The following PDGFRA variants were observed in gnomAD, a reference collection of about 807,000 sequenced individuals.
The protein encoded by PDGFRA is platelet derived growth factor receptor alpha.
Under a neutral mutation model 121.5 loss-of-function variants are expected in PDGFRA, and 25 were observed. The ratio of observed to expected loss-of-function variants is 0.21; its 90% confidence interval spans 0.15 to 0.29. PDGFRA has a LOEUF of 0.29. Ranked by LOEUF, PDGFRA falls within the 10% of genes least tolerant of loss-of-function variation. The probability of loss-of-function intolerance (pLI) is 1.00; values close to 1 mark genes in which losing one functional copy is unlikely to be tolerated. For synonymous variants in PDGFRA, 463 were observed against 494.8 expected, an observed-to-expected ratio of 0.94 and a Z score of 0.85; for missense variants, 1,008 against 1,345.1, an observed-to-expected ratio of 0.75 and a Z score of 3.92.
intron 4 of PDGFRA, 146 bp downstream of exon 4, chr4:54,264,073 G>A: frequency 1.4e-6 from 1 of 690,738 alleles, no homozygotes; most frequent in Non-Finnish European, 2.4e-6. Context: ...CTAATACAAT[G>A]TCTGTGGCTA....
rs779173667 is a variant in PDGFRA, at chr4:54,290,418, G to A, written c.2986G>A (p.Glu996Lys). 3.7e-6 allele frequency: 6 copies of A among 1,613,944 alleles called. No homozygotes were observed. Among genetic ancestry groups the A allele is most frequent in the South Asian group, 3.3e-5 (3 of 91,088 alleles). Residue 996 changes from glutamate to lysine, a missense_variant, in exon 22 of 23, where the codon GAG (glutamate) becomes AAG (lysine). Physicochemically the swap from Glu to Lys is moderately conservative, Grantham distance 56. Coordinates refer to ENST00000257290, the MANE Select transcript of PDGFRA (RefSeq NM_006206.6). ...NAYIGVTYKNEEDKLKDWEGG... is the reference protein window; with the variant it reads ...NAYIGVTYKNKEDKLKDWEGG... ...ATACATTGGTGTCACCTACAAAAACGAGGAAGACAAGCTGAAGGACTGGGA... is the reference window on the plus strand; with the variant it reads ...ATACATTGGTGTCACCTACAAAAACAAGGAAGACAAGCTGAAGGACTGGGA...
In PDGFRA at chr4:54,297,105, A is replaced by C. The variant is rs1724916908; in HGVS notation, c.*1833A>C. 4.3e-6 allele frequency: 1 copy of C among 233,112 alleles called. No homozygotes were observed. Among genetic ancestry groups the C allele is most frequent in the African/African-American group, 2.2e-5 (1 of 45,346 alleles). The allele number at this position is 233,112 out of a possible 1,614,324, so 14.4% of individuals were successfully genotyped here. On this transcript the variant is annotated 3_prime_UTR_variant, in exon 23 of 23. Coordinates refer to ENST00000257290, the MANE Select transcript of PDGFRA (RefSeq NM_006206.6). ...AGTGTTTTGGTGGAAAAAACATTTT[A>C]AGTTTTACTGATAATTTGAGGTTAG...
chr4:54,245,581 A>G (rs1214365026), intron 1 of PDGFRA, among the ~76,000 whole-genome samples: 28 of 141,914 alleles, frequency 2.0e-4, no homozygotes, highest in African/African-American at 7.1e-4. Context: ...CATGGAAAGG[A>G]ACAACCGGTA....
chr4:54,279,750 T>C (rs902053914), intron 15 of PDGFRA, among the ~76,000 whole-genome samples: 2 of 152,292 alleles, frequency 1.3e-5, no homozygotes, highest in African/African-American at 2.4e-5. Flanking sequence ...GTCATTCTTA[T>C]GCCTTTGCAT....
At chr4:54,270,777 T>C (rs1723303541) in intron 8 of PDGFRA, 29 bp downstream of exon 8, 1 of 1,199,684 alleles carries the variant, frequency 8.3e-7, no homozygotes, top group Admixed American at 1.7e-5. Flanking sequence ...AAGATAATGC[T>C]AGCTCTGTAG....
chr4:54,292,749 TCA>T (rs1188126665), intron 22 of PDGFRA, among the ~76,000 whole-genome samples: 1 of 151,028 alleles, frequency 6.6e-6, no homozygotes, highest in Admixed American at 6.6e-5. Flanking sequence ...GAGCCGGAGG[TCA>T]CTATCCTTAG....
intron 1 of PDGFRA, among the ~76,000 whole-genome samples, chr4:54,247,848 G>T (rs372082487): frequency 2.0e-5 from 3 of 152,092 alleles, no homozygotes; most frequent in East Asian, 1.9e-4. Context: ...AAAATCTCCT[G>T]AAGCTGATAA....
In PDGFRA at chr4:54,297,981, G is replaced by A. The variant is rs942835464; in HGVS notation, c.*2709G>A. 5 of 231,608 alleles carry A rather than the reference G, an allele frequency of 2.2e-5. No individual in the cohort carries two copies. In the East Asian group the frequency reaches 3.1e-4, roughly 14 times the overall value. The allele number at this position is 231,608 out of a possible 1,614,324, so 14.3% of individuals were successfully genotyped here. A position where few individuals can be genotyped will look rare whatever the true frequency, so the allele number is the denominator to read the frequency against. On this transcript the variant is annotated 3_prime_UTR_variant, in exon 23 of 23. Coordinates refer to ENST00000257290, the MANE Select transcript of PDGFRA (RefSeq NM_006206.6). ...TATGACAAGCTGTATCACTGCCTTC[G>A]TTTATATTTTTTTAACTGTGATAAT...
rs377699966 is a variant in PDGFRA, at chr4:54,265,028, A to G, written c.738A>G (p.Gln246=). The G allele has an allele frequency of 2.4e-5, 39 of 1,613,786 alleles. No homozygotes were observed. Among genetic ancestry groups the G allele is most frequent in the Admixed American group, 1.0e-4 (6 of 59,976 alleles). The change falls in exon 5 of 23, where the codon CAA becomes CAG. Residue 246 remains glutamine, a synonymous_variant. Transcript: ENST00000257290. The stretch of plus-strand genomic sequence containing the variant: ...TTAACAATGAGGTGGTTGACCTTCA[A>G]TGGACTTACCCTGGAGAAGTGGTAG... The part of the protein sequence containing the change: ...AVFNNEVVDL[Q]WTYPGEVKGK...
At chr4:54,276,943 A>G (rs28698464) in intron 12 of PDGFRA, among the ~76,000 whole-genome samples, 30,837 of 152,154 alleles carry the variant, frequency 0.2, 4,214 homozygotes, top group African/African-American at 0.38. Context: ...GTCACTCCTT[A>G]GAATCAGTGA....
chr4:54,291,913 T>C (rs910927341), intron 22 of PDGFRA, among the ~76,000 whole-genome samples: 4 of 152,060 alleles, frequency 2.6e-5, no homozygotes, highest in Non-Finnish European at 4.4e-5. Flanking sequence ...AAAGAACATC[T>C]GGCACATATA....
chr4:54,255,507 T>C (rs1013978776), intron 1 of PDGFRA, among the ~76,000 whole-genome samples: 2 of 113,858 alleles, frequency 1.8e-5, no homozygotes, highest in Non-Finnish European at 3.7e-5. Context: ...CTCCCCTTTC[T>C]TTTTTTTTTT....
chr4:54,297,341 G>A lies in PDGFRA; in HGVS notation c.*2069G>A. ...GACTACCTACTGGTGTAATCTCAAT[G>A]CAAGCCCCAACTTTCTTATCCAACT... On this transcript the variant is annotated 3_prime_UTR_variant, in exon 23 of 23. Coordinates refer to ENST00000257290, the MANE Select transcript of PDGFRA (RefSeq NM_006206.6). The A allele has an allele frequency of 4.3e-6, 1 of 233,702 alleles. No individual in the cohort carries two copies. The highest frequency in any genetic ancestry group is 8.5e-6 in the Non-Finnish European group (1 of 118,058). The allele number at this position is 233,702 out of a possible 1,614,324, so 14.5% of individuals were successfully genotyped here. A position where few individuals can be genotyped will look rare whatever the true frequency, so the allele number is the denominator to read the frequency against.
chr4:54,285,468 GT>G lies in PDGFRA; in HGVS notation c.2426del (p.Leu809TrpfsTer24). On this transcript the variant is annotated frameshift_variant, in exon 17 of 23. Coordinates refer to ENST00000257290, the MANE Select transcript of PDGFRA (RefSeq NM_006206.6). LOFTEE classifies it high-confidence loss of function. Reference sequence around the variant, plus strand: ...CCTATCAAGTTGCCCGAGGAATGGAGTTTTTGGCTTCAAAAAATGTAAGTTC... The same window carrying G: ...CCTATCAAGTTGCCCGAGGAATGGAGTTTTGGCTTCAAAAAATGTAAGTTC... ...FTYQVARGME[F>X]LASKNCVHRD... 2.6e-5 allele frequency: 40 copies of G among 1,521,830 alleles called. No individual in the cohort carries two copies. Among genetic ancestry groups the G allele is most frequent in the South Asian group, 3.4e-5 (3 of 89,326 alleles). 94.3% of individuals were successfully genotyped at this position (1,521,830 alleles called of 1,614,324 possible).
At position 54,277,511 on chromosome 4, in the gene PDGFRA, G is replaced by A. The variant is rs1723805839; in HGVS notation, c.1891+19G>A. 1 of 1,544,576 alleles carries A rather than the reference G, an allele frequency of 6.5e-7. No homozygotes were observed. The highest frequency in any genetic ancestry group is 9.0e-7 in the Non-Finnish European group (1 of 1,116,820). ...CTAAAACGTAAGTGCTCCTTCCTGGGGATTTTTTGAGCACGGGGATTTTTT... is the reference window on the plus strand; with the variant it reads ...CTAAAACGTAAGTGCTCCTTCCTGGAGATTTTTTGAGCACGGGGATTTTTT... On this transcript the variant is annotated intron_variant, in intron 13 of 22. Transcript: ENST00000257290.
intron 16 of PDGFRA, 186 bp downstream of exon 16, chr4:54,280,668 G>A (rs1001618944): frequency 3.8e-5 from 19 of 498,142 alleles, no homozygotes; most frequent in Admixed American, 3.4e-5. Context: ...AAATTGAAAA[G>A]AATAAAAGCT....
At chr4:54,267,166 A>G in intron 5 of PDGFRA, 123 bp from the exon 6 acceptor site, 3 of 943,140 alleles carry the variant, frequency 3.2e-6, no homozygotes, top group Non-Finnish European at 5.2e-6. Context: ...CCTACCATCC[A>G]TTTGTTATAA....
Position 54,279,902 on chromosome 4 carries a change from T to TTATATATATA in PDGFRA, c.2157-412_2157-411insTATATATATA, listed in dbSNP as rs34230327. On this transcript the variant is annotated intron_variant, in intron 15 of 22. Transcript: ENST00000257290. ...TAATTCATTCCTTTTTATAGCTGAG[T>TTATATATATA]TACATATATATATATATATATGCAC... Among the ~76,000 whole-genome samples, 33 of 147,692 alleles carry TTATATATATA rather than the reference T, an allele frequency of 2.2e-4. No individual in the cohort carries two copies. In the South Asian group the frequency reaches 6.0e-3, roughly 27 times the overall value.
intron 2 of PDGFRA, among the ~76,000 whole-genome samples, 159 bp downstream of exon 2, chr4:54,258,976 C>CA (rs1232510008): frequency 6.6e-6 from 1 of 152,174 alleles, no homozygotes; most frequent in Non-Finnish European, 1.5e-5. Context: ...CACAAACCTT[C>CA]AGTTCCCTTT....
Sources: allele counts gnomAD v4.1 joint callset (sites outside exome capture counted in the v4.1 genomes callset), GRCh38; gene constraint gnomAD v4.1.1; transcripts MANE v1.5; gene names NCBI Gene and HGNC (gene_info 2026-07-23, HGNC 2026-07-21).